KLRG2: variants seen among roughly 807,000 people sequenced by gnomAD.
KLRG2 encodes killer cell lectin-like receptor subfamily G member 2.
Under a neutral mutation model 35.4 loss-of-function variants are expected in KLRG2, and 39 were observed. That is an observed-to-expected ratio of 1.10 (90% CI 0.85 to 1.44). KLRG2 has a LOEUF of 1.44. Ranked by LOEUF, KLRG2 falls within the 40% of genes most tolerant of loss-of-function variation. KLRG2 has a pLI of 0.00. For synonymous variants in KLRG2, 283 were observed against 265.8 expected, an observed-to-expected ratio of 1.06 and a Z score of -0.63; for missense variants, 632 against 570.9, an observed-to-expected ratio of 1.11 and a Z score of -1.09.
At chr7:139,434,094 TG>T in the KLRG2 span, among the ~76,000 whole-genome samples, 1 of 152,208 alleles carries the variant, frequency 6.6e-6, no homozygotes, top group Non-Finnish European at 1.5e-5. Flanking sequence ...GTGAGGAGCT[TG>T]GAAGTTAAAA....
chr7:139,451,139 T>G (rs1040876158), downstream of KLRG2, among the ~76,000 whole-genome samples: 8 of 152,118 alleles, frequency 5.3e-5, no homozygotes. Flanking sequence ...GGCTGGTCAA[T>G]CCATAGAAGG....
chr7:139,465,605 T>C (rs774395720), intron 3 of KLRG2, among the ~76,000 whole-genome samples: 11 of 148,934 alleles, frequency 7.4e-5, no homozygotes, highest in Non-Finnish European at 1.6e-4. Context: ...GGCAGGAGAA[T>C]GGCGTGAACC....
At chr7:139,433,022 T>G in the KLRG2 span, among the ~76,000 whole-genome samples, 1 of 152,186 alleles carries the variant, frequency 6.6e-6, no homozygotes, top group Non-Finnish European at 1.5e-5. Flanking sequence ...ATCACTATTC[T>G]GACTTCGGAC....
the KLRG2 span, among the ~76,000 whole-genome samples, chr7:139,435,364 C>A: frequency 6.6e-6 from 1 of 152,092 alleles, no homozygotes; most frequent in Non-Finnish European, 1.5e-5. Context: ...GTGGCAGGCA[C>A]CTGTAATCCC....
At chr7:139,452,384 G>A (rs777770106), downstream of KLRG2, among the ~76,000 whole-genome samples, 12 of 152,140 alleles carry the variant, frequency 7.9e-5, no homozygotes, top group Non-Finnish European at 1.5e-5. Flanking sequence ...AACCACCATG[G>A]CATGTGTATA....
chr7:139,482,476 T>G (rs1404776744), intron 1 of KLRG2, among the ~76,000 whole-genome samples: 1 of 151,628 alleles, frequency 6.6e-6, no homozygotes, highest in Non-Finnish European at 1.5e-5. Flanking sequence ...CACTGCAACC[T>G]CCGCTTCTCG....
chr7:139,471,932 G>A (rs1796764025), intron 3 of KLRG2, among the ~76,000 whole-genome samples: 1 of 152,204 alleles, frequency 6.6e-6, no homozygotes, highest in South Asian at 2.1e-4. Context: ...GTGGGATAAA[G>A]GGCTGGGAAG....
chr7:139,458,072 T>C (rs1008131438), intron 3 of KLRG2, among the ~76,000 whole-genome samples: 4 of 152,290 alleles, frequency 2.6e-5, no homozygotes, highest in African/African-American at 9.6e-5. Flanking sequence ...ATTTCTTTTT[T>C]AAAAATTGTG....
Position 139,454,172 on chromosome 7 carries a change from C to G in KLRG2, c.1048G>C (p.Gly350Arg). ...CAGCCCTGGGGGCCTCGCCAGGCCC[C>G]CACCCAGGAGTGCCTGGAGACTGGG... ...RYPVSRHSWV[G>R]AWRGPQGWHW... The change falls in exon 4 of 5, where the codon GGG becomes CGG. Residue 350 changes from glycine (G) to arginine (R), a missense_variant. By Grantham distance (125) the Gly-to-Arg change is moderately radical. Transcript: ENST00000340940. 1 of 1,545,028 alleles carries G rather than the reference C, an allele frequency of 6.5e-7. No homozygotes were observed. Among genetic ancestry groups the G allele is most frequent in the Non-Finnish European group, 8.7e-7 (1 of 1,144,138 alleles).
intron 3 of KLRG2, among the ~76,000 whole-genome samples, chr7:139,467,097 G>T (rs1022860726): frequency 6.6e-6 from 1 of 151,592 alleles, no homozygotes; most frequent in Non-Finnish European, 1.5e-5. Flanking sequence ...CCACAATATC[G>T]CCCCTTACCA....
At chr7:139,440,487 C>A in the KLRG2 span, among the ~76,000 whole-genome samples, 1 of 131,726 alleles carries the variant, frequency 7.6e-6, no homozygotes, top group Non-Finnish European at 1.5e-5. Context: ...TGATCTTGAA[C>A]TCCTGTGAGC....
At chr7:139,481,875 C>G (rs1012875310) in intron 1 of KLRG2, among the ~76,000 whole-genome samples, 1 of 151,480 alleles carries the variant, frequency 6.6e-6, no homozygotes, top group Admixed American at 6.6e-5. Flanking sequence ...TGCAGTGAGC[C>G]GAGATTGTGC....
chr7:139,454,265 C>T lies in KLRG2; in HGVS notation c.1006-51G>A, dbSNP rs1387407858. 11 of 907,400 alleles carry T rather than the reference C, an allele frequency of 1.2e-5. No homozygotes were observed. The Admixed American group carries it at 2.0e-4, about 16-fold the overall frequency. The allele number at this position is 907,400 out of a possible 1,614,324, so 56.2% of individuals were successfully genotyped here. On this transcript the variant is annotated intron_variant, in intron 3 of 4. Transcript: ENST00000340940. ...CTCCCCTGGACACTGGCGTGGCTTGCCTGGGGCGTACGGATTCCCTGGGGC... is the reference window on the plus strand; with the variant it reads ...CTCCCCTGGACACTGGCGTGGCTTGTCTGGGGCGTACGGATTCCCTGGGGC...
chr7:139,469,185 A>G (rs1469091998), intron 3 of KLRG2, among the ~76,000 whole-genome samples: 1 of 152,178 alleles, frequency 6.6e-6, no homozygotes, highest in Non-Finnish European at 1.5e-5. Context: ...TTTTTGAGAT[A>G]GGGTCTCGCT....
At position 139,483,314 on chromosome 7, in the gene KLRG2, G is replaced by T; in HGVS notation, c.329C>A (p.Pro110His). 6.4e-7 allele frequency: 1 copy of T among 1,551,792 alleles called. No individual in the cohort carries two copies. The highest frequency in any genetic ancestry group is 8.6e-7 in the Non-Finnish European group (1 of 1,160,186). ...GGCGCTGGGCGCAGGCTCAGCCCCG[G>T]GCGCCTCGCCATTCCGGGGCAGCTT... Reference protein sequence around the residue: ...LVKLPRNGEAPGAEPAPSAWA... With the variant: ...LVKLPRNGEAHGAEPAPSAWA... The change falls in exon 1 of 5, where the codon CCC becomes CAC. Residue 110 changes from proline to histidine, a missense_variant. Transcript: ENST00000340940.
chr7:139,454,121 G>C lies in KLRG2; in HGVS notation c.1099C>G (p.Pro367Ala). 1 of 1,534,940 alleles carries C rather than the reference G, an allele frequency of 6.5e-7. No individual in the cohort carries two copies. ...CCCGTGGTCACTCACAGCTGGGGCGGGAGTGGGGCCTCGTCGATCCAGTGC... is the reference window on the plus strand; with the variant it reads ...CCCGTGGTCACTCACAGCTGGGGCGCGAGTGGGGCCTCGTCGATCCAGTGC... The part of the protein sequence containing the change: ...GWHWIDEAPL[P>A]PQLLPEDGED... Residue 367 changes from proline to alanine, a missense_variant, in exon 4 of 5, where the codon CCG becomes GCG. Physicochemically the swap from Pro to Ala is conservative, Grantham distance 27 (BLOSUM62 -1). Coordinates refer to ENST00000340940, the MANE Select transcript of KLRG2 (RefSeq NM_198508.4).
chr7:139,475,143 C>G (rs1004239349), intron 3 of KLRG2, among the ~76,000 whole-genome samples: 1 of 152,184 alleles, frequency 6.6e-6, no homozygotes, highest in African/African-American at 2.4e-5. Context: ...TTAGTCATGC[C>G]TGTCCAACGA....
intron 4 of KLRG2, 51 bp from the exon 5 acceptor site, chr7:139,453,758 C>T (rs1291414989): frequency 1.2e-6 from 2 of 1,609,378 alleles, no homozygotes; most frequent in Non-Finnish European, 1.7e-6. Flanking sequence ...GTGCCGGGGC[C>T]TTGCTTCCCA....
At chr7:139,479,574 T>A in intron 3 of KLRG2, 53 bp downstream of exon 3, 1 of 1,546,704 alleles carries the variant, frequency 6.5e-7, no homozygotes, top group Non-Finnish European at 8.8e-7. Flanking sequence ...AGTGCTAGGA[T>A]TCTGTGGTCT....
Sources: gnomAD v4.1 joint callset for allele counts (sites outside exome capture counted in the v4.1 genomes callset) on GRCh38, gnomAD v4.1.1 for gene constraint, MANE v1.5 for transcripts, NCBI Gene and HGNC (gene_info 2026-07-23, HGNC 2026-07-21) for gene names.